Variants in FRMD4A observed in about 807,000 individuals in gnomAD.
The protein encoded by FRMD4A is FERM domain-containing protein 4A.
Under a neutral mutation model 129.1 loss-of-function variants are expected in FRMD4A, and 29 were observed. That is an observed-to-expected ratio of 0.22 (90% CI 0.17 to 0.31). The LOEUF (loss-of-function observed/expected upper bound fraction) is 0.31. Ranked by LOEUF, FRMD4A falls within the 10% of genes least tolerant of loss-of-function variation. The pLI, the probability that FRMD4A is intolerant of heterozygous loss-of-function variation, is 1.00. For synonymous variants in FRMD4A, 634 were observed against 571.6 expected, an observed-to-expected ratio of 1.11 and a Z score of -1.56; for missense variants, 1,272 against 1,375.8, an observed-to-expected ratio of 0.92 and a Z score of 1.19.
chr10:13,687,142 T>C (rs1210369712), intron 15 of FRMD4A, among the ~76,000 whole-genome samples: 2 of 151,960 alleles, frequency 1.3e-5, no homozygotes, highest in East Asian at 1.9e-4. Flanking sequence ...AATACAAAAA[T>C]TAATTAGCCA....
At chr10:14,102,917 G>A (rs767061970) in intron 2 of FRMD4A, among the ~76,000 whole-genome samples, 7 of 152,178 alleles carry the variant, frequency 4.6e-5, no homozygotes, top group Admixed American at 6.5e-5. Context: ...GTTATATCTG[G>A]CACAGTGATT....
At chr10:13,874,245 CAAA>C (rs71388124) in intron 2 of FRMD4A, among the ~76,000 whole-genome samples, 1 of 76,408 alleles carries the variant, frequency 1.3e-5, no homozygotes, top group African/African-American at 5.5e-5. Flanking sequence ...GACACTGTCT[CAAA>C]AAAAAAAAAA....
At chr10:13,910,113 G>T (rs1205660567) in intron 2 of FRMD4A, among the ~76,000 whole-genome samples, 2 of 152,250 alleles carry the variant, frequency 1.3e-5, no homozygotes, top group Non-Finnish European at 2.9e-5. Context: ...ATGTCTAGAA[G>T]TGAAATCTGT....
rs1293758903 is a variant in FRMD4A at position 14,127,980 on chromosome 10, T to TTC, written c.45+202076_45+202077dup. ...TTTCTTTCTTTCTTTCTTTCTTTCC[T>TTC]TCTCTCTCTCTCTCTCTCTCTTTCT... On this transcript the variant is annotated intron_variant, in intron 2 of 24. Transcript: ENST00000357447. Among the ~76,000 whole-genome samples the TTC allele has an allele frequency of 9.8e-3, 189 of 19,338 alleles. 11 individuals are homozygous for TTC. Among genetic ancestry groups the TTC allele is most frequent in the Middle Eastern group, 0.05 (2 of 40 alleles). 12.7% of individuals were successfully genotyped at this position (19,338 alleles called of 152,430 possible).
chr10:13,658,514 C>T (rs1040922740), intron 21 of FRMD4A, among the ~76,000 whole-genome samples: 2 of 152,342 alleles, frequency 1.3e-5, no homozygotes, highest in African/African-American at 2.4e-5. Context: ...GTCCCACTTC[C>T]GACTGCCACT....
intron 2 of FRMD4A, among the ~76,000 whole-genome samples, chr10:14,137,463 G>C (rs1271713665): frequency 6.6e-6 from 1 of 152,172 alleles, no homozygotes; most frequent in Non-Finnish European, 1.5e-5. Flanking sequence ...CTCTCCCATT[G>C]AGATTCCCAT....
chr10:14,229,686 A>C (rs1843570517), intron 2 of FRMD4A, among the ~76,000 whole-genome samples: 1 of 152,048 alleles, frequency 6.6e-6, no homozygotes, highest in South Asian at 2.1e-4. Context: ...CCGTCCTCCC[A>C]CCTCAGCCTC....
intron 2 of FRMD4A, among the ~76,000 whole-genome samples, chr10:14,320,385 C>T (rs1846928902): frequency 1.3e-5 from 2 of 152,192 alleles, no homozygotes; most frequent in Non-Finnish European, 2.9e-5. Context: ...TTTGCCCTCC[C>T]CAACCCCACC....
At chr10:14,222,421 C>A (rs1451528239) in intron 2 of FRMD4A, among the ~76,000 whole-genome samples, 1 of 152,120 alleles carries the variant, frequency 6.6e-6, no homozygotes, top group African/African-American at 2.4e-5. Context: ...TAAGTGATGT[C>A]TATCCAGTTG....
intron 2 of FRMD4A, among the ~76,000 whole-genome samples, chr10:14,065,949 C>T (rs1835034139): frequency 6.6e-6 from 1 of 151,414 alleles, no homozygotes; most frequent in African/African-American, 2.4e-5. Flanking sequence ...CTACTGCCAT[C>T]AGCAAACTAC....
chr10:13,953,878 A>G (rs1342520161), intron 2 of FRMD4A, among the ~76,000 whole-genome samples: 1 of 152,212 alleles, frequency 6.6e-6, no homozygotes, highest in Non-Finnish European at 1.5e-5. Context: ...AGGGTAGACA[A>G]CTGCATATTG....
At chr10:13,763,614 C>T (rs777510119) in intron 6 of FRMD4A, among the ~76,000 whole-genome samples, 29 of 152,156 alleles carry the variant, frequency 1.9e-4, no homozygotes, top group Non-Finnish European at 3.2e-4. Flanking sequence ...GATCTAGGGA[C>T]GTGGTCTTCA....
chr10:14,269,707 A>T (rs1471449455), intron 2 of FRMD4A, among the ~76,000 whole-genome samples: 2 of 152,236 alleles, frequency 1.3e-5, no homozygotes, highest in Non-Finnish European at 2.9e-5. Flanking sequence ...CTTAAGCTTA[A>T]TCCCTTTTGT....
chr10:13,647,430 G>T (rs2081195948), intron 24 of FRMD4A: 1 of 152,196 alleles, frequency 6.6e-6, no homozygotes, highest in African/African-American at 2.4e-5. Flanking sequence ...CTCAGATGCA[G>T]CCAAAGCCAG....
chr10:14,281,312 G>A (rs1279269168), intron 2 of FRMD4A, among the ~76,000 whole-genome samples: 1 of 152,168 alleles, frequency 6.6e-6, no homozygotes, highest in African/African-American at 2.4e-5. Context: ...TTAAGAAGAA[G>A]AAATTAGGGC....
chr10:13,904,521 A>G (rs1240612450), intron 2 of FRMD4A, among the ~76,000 whole-genome samples: 1 of 152,242 alleles, frequency 6.6e-6, no homozygotes, highest in East Asian at 1.9e-4. Flanking sequence ...AATTCTTCAA[A>G]GACAGGCATC....
At chr10:14,183,668 T>A (rs1841982081) in intron 2 of FRMD4A, among the ~76,000 whole-genome samples, 1 of 152,194 alleles carries the variant, frequency 6.6e-6, no homozygotes, top group African/African-American at 2.4e-5. Flanking sequence ...CTCCCAAACC[T>A]GGAAATGCAC....
chr10:14,019,556 G>A (rs1832635292), intron 2 of FRMD4A, among the ~76,000 whole-genome samples: 1 of 152,118 alleles, frequency 6.6e-6, no homozygotes, highest in Non-Finnish European at 1.5e-5. Flanking sequence ...TAAGTTGGCA[G>A]GAAAGGACTG....
chr10:14,093,178 C>A (rs942750798), intron 2 of FRMD4A, among the ~76,000 whole-genome samples: 1 of 152,144 alleles, frequency 6.6e-6, no homozygotes, highest in African/African-American at 2.4e-5. Context: ...GCCTGCACGG[C>A]TCAGCAGTTT....
Sources: gnomAD v4.1 joint callset for allele counts (sites outside exome capture counted in the v4.1 genomes callset) on GRCh38, gnomAD v4.1.1 for gene constraint, MANE v1.5 for transcripts, NCBI Gene and HGNC (gene_info 2026-07-23, HGNC 2026-07-21) for gene names.